ELOVL6: variants seen among roughly 807,000 people sequenced by gnomAD.
ELOVL6 encodes ELOVL fatty acid elongase 6.
ELOVL6 carries 8 observed loss-of-function variants against 31.7 expected under a neutral mutation model. The ratio of observed to expected loss-of-function variants is 0.25; its 90% confidence interval spans 0.15 to 0.45. The LOEUF is 0.45. ELOVL6 is among the 20% of genes least tolerant of loss of function. ELOVL6 has a pLI of 1.00. For synonymous variants in ELOVL6, 101 were observed against 117.7 expected (o/e 0.86, Z 0.92); for missense variants, 126 against 326.4 (o/e 0.39, Z 4.73).
chr4:110,054,984 C>G (rs1042785989), intron 3 of ELOVL6, among the ~76,000 whole-genome samples: 4 of 152,140 alleles, frequency 2.6e-5, no homozygotes, highest in Non-Finnish European at 5.9e-5. Context: ...CCAGCAATGG[C>G]TCTGGAGCTG....
At chr4:110,060,775 G>A (rs113448790) in intron 2 of ELOVL6, among the ~76,000 whole-genome samples, 2 of 152,250 alleles carry the variant, frequency 1.3e-5, no homozygotes, top group South Asian at 2.1e-4. Flanking sequence ...CTGCCCAAAA[G>A]GGCAGCATCT....
intron 2 of ELOVL6, among the ~76,000 whole-genome samples, chr4:110,084,376 GAT>G (rs1268228498): frequency 1.5e-4 from 6 of 40,536 alleles, no homozygotes; most frequent in Admixed American, 6.7e-4. Context: ...TATGATATAT[GAT>G]ATATATCGCA....
At position 110,084,554 on chromosome 4, in the gene ELOVL6, A is replaced by G. The variant is rs1355009503; in HGVS notation, c.221+20943T>C. On this transcript the variant is annotated intron_variant, in intron 2 of 3. Transcript: ENST00000302274. ...CTTACACACACACACACACACACAC[A>G]CACACACAGATATATATATATATAT... Among the ~76,000 whole-genome samples the G allele has an allele frequency of 2.7e-3, 186 of 69,996 alleles. 3 individuals are homozygous for G. The highest frequency in any genetic ancestry group is 3.5e-3 in the Non-Finnish European group (150 of 42,326). The allele number at this position is 69,996 out of a possible 152,430, so 45.9% of individuals were successfully genotyped here.
At chr4:110,059,390 A>G (rs1177835078) in intron 3 of ELOVL6, among the ~76,000 whole-genome samples, 1 of 152,240 alleles carries the variant, frequency 6.6e-6, no homozygotes, top group Non-Finnish European at 1.5e-5. Context: ...AGTATAAACT[A>G]TCTACTCTTA....
chr4:110,127,854 T>C (rs1261796636), intron 1 of ELOVL6, among the ~76,000 whole-genome samples: 1 of 152,058 alleles, frequency 6.6e-6, no homozygotes. Context: ...GACACACTCC[T>C]TGCACCCAGA....
intron 1 of ELOVL6, among the ~76,000 whole-genome samples, chr4:110,112,602 G>A (rs2126249734): frequency 6.6e-6 from 1 of 152,292 alleles, no homozygotes; most frequent in East Asian, 1.9e-4. Context: ...GCTGAGTGTG[G>A]TGGCTCATGC....
In ELOVL6 at chr4:110,106,104, C is replaced by T. The variant is rs1037484358; in HGVS notation, c.90-476G>A. Among the ~76,000 whole-genome samples, 4 of 152,164 alleles carry T rather than the reference C, an allele frequency of 2.6e-5. No homozygotes were observed. The South Asian group carries it at 8.3e-4, about 32-fold the overall frequency. ...GGGTGTGGTGGCTCACACCTGTTAT[C>T]CCAGCACTTTGGGAGGCAGAGGTGG... On this transcript the variant is annotated intron_variant, in intron 1 of 3. Coordinates refer to ENST00000302274, the MANE Select transcript of ELOVL6 (RefSeq NM_024090.3).
intron 1 of ELOVL6, among the ~76,000 whole-genome samples, chr4:110,154,546 C>T (rs528405844): frequency 5.6e-4 from 86 of 152,336 alleles, no homozygotes; most frequent in African/African-American, 1.9e-3. Context: ...TGAGCCTCCA[C>T]ACCTGGCCTA....
intron 2 of ELOVL6, among the ~76,000 whole-genome samples, chr4:110,095,222 C>G (rs542276401): frequency 2.0e-5 from 3 of 152,206 alleles, no homozygotes; most frequent in African/African-American, 7.2e-5. Flanking sequence ...TGGCTCACAC[C>G]TGTAATCCCA....
At chr4:110,139,503 A>G (rs1216308969) in intron 1 of ELOVL6, among the ~76,000 whole-genome samples, 1 of 152,204 alleles carries the variant, frequency 6.6e-6, no homozygotes, top group Non-Finnish European at 1.5e-5. Flanking sequence ...CAATGCACAC[A>G]CAAAAAATTC....
chr4:110,178,728 C>T (rs76021214), intron 1 of ELOVL6, among the ~76,000 whole-genome samples: 6,621 of 151,846 alleles, frequency 0.044, 199 homozygotes, highest in South Asian at 0.12. Flanking sequence ...GTGGTGCTTG[C>T]CTGTAGTCTC....
chr4:110,084,194 T>TGTGATATA (rs1491255162), intron 2 of ELOVL6, among the ~76,000 whole-genome samples: 1 of 76,080 alleles, frequency 1.3e-5, no homozygotes, highest in Non-Finnish European at 2.3e-5. Context: ...AACATATAAC[T>TGTGATATA]TATATGATAT....
At chr4:110,197,346 CAG>C in intron 1 of ELOVL6, among the ~76,000 whole-genome samples, 2 of 152,338 alleles carry the variant, frequency 1.3e-5, no homozygotes, top group South Asian at 4.1e-4. Flanking sequence ...GCCTCCCACA[CAG>C]GGATTTTCAA....
chr4:110,081,269 G>C (rs1755838001), intron 2 of ELOVL6, among the ~76,000 whole-genome samples: 1 of 152,134 alleles, frequency 6.6e-6, no homozygotes, highest in African/African-American at 2.4e-5. Context: ...AACCAAAAAA[G>C]AGCCTGCATT....
intron 1 of ELOVL6, among the ~76,000 whole-genome samples, chr4:110,156,238 G>T (rs920998643): frequency 6.6e-6 from 1 of 152,144 alleles, no homozygotes; most frequent in Non-Finnish European, 1.5e-5. Flanking sequence ...GTGAGAAGCT[G>T]TGTCAGGAAA....
At chr4:110,103,942 T>C (rs762725675) in intron 2 of ELOVL6, among the ~76,000 whole-genome samples, 38 of 152,190 alleles carry the variant, frequency 2.5e-4, no homozygotes, top group Non-Finnish European at 2.9e-5. Flanking sequence ...CCTTTAGCCA[T>C]GGTATGATTT....
chr4:110,087,110 G>A (rs554358221), intron 2 of ELOVL6, among the ~76,000 whole-genome samples: 1 of 152,140 alleles, frequency 6.6e-6, no homozygotes, highest in Admixed American at 6.5e-5. Context: ...TTACAAATTT[G>A]GGAGATATGA....
At chr4:110,153,986 T>C (rs1232223748) in intron 1 of ELOVL6, among the ~76,000 whole-genome samples, 1 of 152,234 alleles carries the variant, frequency 6.6e-6, no homozygotes, top group East Asian at 1.9e-4. Flanking sequence ...GCACAGACTT[T>C]GTCTATTAAA....
chr4:110,123,806 T>C (rs1283727663), intron 1 of ELOVL6, among the ~76,000 whole-genome samples: 1 of 152,234 alleles, frequency 6.6e-6, no homozygotes, highest in Non-Finnish European at 1.5e-5. Context: ...TGAGCATGTA[T>C]CTATAAATGT....
Sources: allele counts gnomAD v4.1 joint callset (sites outside exome capture counted in the v4.1 genomes callset), GRCh38; gene constraint gnomAD v4.1.1; transcripts MANE v1.5; gene names NCBI Gene and HGNC (gene_info 2026-07-23, HGNC 2026-07-21).